Variants in YJU2B observed in about 807,000 individuals in gnomAD.
YJU2B encodes YJU2 splicing factor homolog B, also known as probable splicing factor YJU2B.
YJU2B carries 18 observed loss-of-function variants against 38.0 expected under a neutral mutation model. The observed-to-expected ratio is 0.47, with a 90% CI of 0.33 to 0.70. YJU2B has a LOEUF of 0.70. Among genes scored for constraint, YJU2B ranks in the 30% least tolerant of loss-of-function variants. The pLI is 0.02. For missense variants in YJU2B, 538 were observed against 556.3 expected, an observed-to-expected ratio of 0.97 and a Z score of 0.33; for synonymous variants, 246 against 225.4, an observed-to-expected ratio of 1.09 and a Z score of -0.82.
At chr19:13,747,285 G>A (rs980730966), upstream of YJU2B, among the ~76,000 whole-genome samples, 3 of 152,086 alleles carry the variant, frequency 2.0e-5, no homozygotes, top group African/African-American at 4.8e-5. Context: ...TTTTATTTAC[G>A]TACGCTGAAA....
rs1357729358 is a variant in YJU2B, at chr19:13,759,280, G to A, written c.573+8G>A. On this transcript the variant is annotated splice_region_variant and intron_variant, in intron 8 of 9. Transcript: ENST00000221554. ...CTGCGGAGAAGGTTCCGGGTGAGGGGGGCTCCAGCCCGGGGTCAGAGAGGA... is the reference window on the plus strand; with the variant it reads ...CTGCGGAGAAGGTTCCGGGTGAGGGAGGCTCCAGCCCGGGGTCAGAGAGGA... The A allele has an allele frequency of 3.1e-6, 5 of 1,596,524 alleles. No individual in the cohort carries two copies. Among genetic ancestry groups the A allele is most frequent in the Admixed American group, 1.7e-5 (1 of 57,434 alleles).
chr19:13,746,845 C>T (rs1973263833), upstream of YJU2B, among the ~76,000 whole-genome samples: 1 of 151,606 alleles, frequency 6.6e-6, no homozygotes, highest in Non-Finnish European at 1.5e-5. Context: ...AGGTGGAGAG[C>T]GCAGTGAGCT....
intron 1 of YJU2B, among the ~76,000 whole-genome samples, chr19:13,751,110 C>T (rs1973445352): frequency 6.6e-6 from 1 of 152,016 alleles, no homozygotes; most frequent in Non-Finnish European, 1.5e-5. Context: ...AGGAGAGTGA[C>T]ACGTTTGTTC....
upstream of YJU2B, among the ~76,000 whole-genome samples, chr19:13,744,701 C>A (rs944433774): frequency 2.6e-5 from 4 of 151,962 alleles, no homozygotes; most frequent in African/African-American, 9.7e-5. Flanking sequence ...TTAAAAATTT[C>A]TCTGGGGTTA....
At chr19:13,758,552 CAACA>C (rs1241576010) in intron 6 of YJU2B, among the ~76,000 whole-genome samples, 3 of 151,590 alleles carry the variant, frequency 2.0e-5, no homozygotes, top group Non-Finnish European at 2.9e-5. Context: ...ATCAGTGAAC[CAACA>C]AACAAATGCA....
chr19:13,745,607 T>C (rs543851), upstream of YJU2B, among the ~76,000 whole-genome samples: 91,164 of 150,352 alleles, frequency 0.61, 27,859 homozygotes, highest in Middle Eastern at 0.72. Flanking sequence ...GCCAAGATTG[T>C]GCCTTTGCTC....
upstream of YJU2B, among the ~76,000 whole-genome samples, chr19:13,746,522 C>T (rs529946123): frequency 9.9e-5 from 15 of 152,170 alleles, no homozygotes; most frequent in African/African-American, 3.1e-4. Context: ...GGCTGGGCTA[C>T]GAATTAAATT....
intron 2 of YJU2B, among the ~76,000 whole-genome samples, chr19:13,753,070 C>G (rs1021502233): frequency 2.6e-5 from 4 of 152,156 alleles, no homozygotes; most frequent in African/African-American, 9.7e-5. Flanking sequence ...TGAAAGCCAC[C>G]ATAGGAGCAT....
In YJU2B at chr19:13,763,129, TCA is replaced by T. The variant is rs1008290560; in HGVS notation, c.*64_*65del. On this transcript the variant is annotated 3_prime_UTR_variant, in exon 10 of 10. Transcript: ENST00000221554. The stretch of plus-strand genomic sequence containing the variant: ...GGCCCGGACACACCCAGGAGGCCCC[TCA>T]CAGACTGCAGACCCCCGGCTCGCCC... The T allele has an allele frequency of 7.1e-7, 1 of 1,399,636 alleles. No individual in the cohort carries two copies. Among genetic ancestry groups the T allele is most frequent in the Admixed American group, 2.3e-5 (1 of 42,706 alleles). 86.7% of individuals were successfully genotyped at this position (1,399,636 alleles called of 1,614,324 possible).
intron 2 of YJU2B, among the ~76,000 whole-genome samples, chr19:13,740,277 T>A (rs1356737302): frequency 1.3e-5 from 2 of 151,944 alleles, no homozygotes; most frequent in South Asian, 2.1e-4. Context: ...AGTGATGAGA[T>A]CATGGCTCAC....
chr19:13,742,294 CTTTTTTTTTTTTTTT>C (rs552865402), intron 2 of YJU2B, among the ~76,000 whole-genome samples: 1 of 111,976 alleles, frequency 8.9e-6, no homozygotes, highest in East Asian at 2.8e-4. Flanking sequence ...TTGAGTCCCA[CTTTTTTTTTTTTTTT>C]TTTTTTTTTT....
At chr19:13,755,184 C>T (rs1599524721) in intron 3 of YJU2B, among the ~76,000 whole-genome samples, 1 of 141,158 alleles carries the variant, frequency 7.1e-6, no homozygotes, top group Admixed American at 6.9e-5. Flanking sequence ...AAAAAAAAAG[C>T]CGGCGCCATG....
rs1234854127 is a variant in YJU2B, at chr19:13,762,624, G to T, written c.747G>T (p.Glu249Asp). The part of the protein sequence containing the change: ...YEDKQKLKRT[E>D]IISRSWFPSA... ...ACAAGCAGAAACTCAAGCGGACCGA[G>T]ATCATCAGCCGCTCCTGGTTCCCCT... The change falls in exon 10 of 10, where the codon GAG becomes GAT. Residue 249 changes from glutamate (E) to aspartate (D), a missense_variant. By Grantham distance (45) the Glu-to-Asp change is conservative. Around this residue, in one of 2 missense-constraint regions of YJU2B, gnomAD observed 488 missense variants for 469.5 expected, o/e 1.04. Coordinates refer to ENST00000221554, the MANE Select transcript of YJU2B (RefSeq NM_030818.4). 2.3e-5 allele frequency: 36 copies of T among 1,534,746 alleles called. No individual in the cohort carries two copies. The highest frequency in any genetic ancestry group is 3.1e-5 in the Non-Finnish European group (36 of 1,149,426).
Position 13,754,330 on chromosome 19 carries a change from C to T in YJU2B, c.45C>T (p.Phe15=). ...TCAACAAGTACTATCCTCCAGACTT[C>T]AACCCTGAGAAGGTAAGCAGGCTCT... is the stretch of plus-strand genomic sequence containing the variant. ...KGVNKYYPPD[F]NPEKHGSLNR... is the part of the protein sequence containing the mutation. The change falls in exon 3 of 10, where the codon TTC becomes TTT. Residue 15 remains phenylalanine (F), a synonymous_variant. Coordinates refer to ENST00000221554, the MANE Select transcript of YJU2B (RefSeq NM_030818.4). The T allele has an allele frequency of 6.2e-7, 1 of 1,613,734 alleles. No individual in the cohort carries two copies. The highest frequency in any genetic ancestry group is 8.5e-7 in the Non-Finnish European group (1 of 1,179,612).
At chr19:13,745,646 C>CATAGATAG (rs1555699801), upstream of YJU2B, among the ~76,000 whole-genome samples, 15,042 of 116,136 alleles carry the variant, frequency 0.13, 1,233 homozygotes, top group Admixed American at 0.17. Flanking sequence ...AGCAAAACTC[C>CATAGATAG]ATAGATAGAT....
At chr19:13,736,224 T>C (rs1390978049) in intron 2 of YJU2B, among the ~76,000 whole-genome samples, 1 of 150,472 alleles carries the variant, frequency 6.6e-6, no homozygotes, top group South Asian at 2.1e-4. Context: ...TAATTAATTC[T>C]CTAGAGCATC....
At chr19:13,748,859 T>A (rs1390383522) in intron 1 of YJU2B, among the ~76,000 whole-genome samples, 5 of 152,206 alleles carry the variant, frequency 3.3e-5, no homozygotes, top group Non-Finnish European at 7.3e-5. Flanking sequence ...GACCTTGGAA[T>A]AATCCAATCT....
chr19:13,759,162 G>C lies in YJU2B; in HGVS notation c.463G>C (p.Asp155His). ...AMFRLEHGEA[D>H]RSTLKKALPT... ...GTTCCGGCTGGAGCATGGCGAGGCC[G>C]ACCGCAGCACACTCAAGAAGGCGCT... The change falls in exon 8 of 10, where the codon GAC becomes CAC. Residue 155 changes from aspartate (D) to histidine (H), a missense_variant. Around this residue, in one of 2 missense-constraint regions of YJU2B, gnomAD observed 488 missense variants for 469.5 expected, o/e 1.04. Coordinates refer to ENST00000221554, the MANE Select transcript of YJU2B (RefSeq NM_030818.4). 6.2e-7 allele frequency: 1 copy of C among 1,613,392 alleles called. No homozygotes were observed. Among genetic ancestry groups the C allele is most frequent in the African/African-American group, 1.3e-5 (1 of 75,046 alleles).
chr19:13,744,763 A>C (rs387821), upstream of YJU2B, among the ~76,000 whole-genome samples: 93,595 of 151,842 alleles, frequency 0.62, 29,177 homozygotes, highest in Middle Eastern at 0.73. Flanking sequence ...GGAGGCCGAG[A>C]CGGGCGGATC....
Sources: allele counts gnomAD v4.1 joint callset (sites outside exome capture counted in the v4.1 genomes callset), GRCh38; gene constraint gnomAD v4.1.1; regional missense constraint gnomAD v4.1.1; transcripts MANE v1.5; gene names NCBI Gene and HGNC (gene_info 2026-07-23, HGNC 2026-07-21).